The following NEBL variants were observed in gnomAD, a reference collection of about 807,000 sequenced individuals.
NEBL encodes the protein LIM and SH3 protein 2.
Under a neutral mutation model 140.2 loss-of-function variants are expected in NEBL, and 122 were observed. The ratio of observed to expected loss-of-function variants is 0.87; its 90% CI spans 0.75 to 1.01. The LOEUF is 1.01. NEBL is among the 50% of genes least tolerant of loss of function. The pLI is 0.00. For synonymous variants in NEBL, 436 were observed against 398.9 expected, an observed-to-expected ratio of 1.09 and a Z score of -1.11; for missense variants, 1,365 against 1,231.3, an observed-to-expected ratio of 1.11 and a Z score of -1.62.
chr10:21,061,401 T>C (rs1835295860), intron 2 of NEBL, among the ~76,000 whole-genome samples: 3 of 148,578 alleles, frequency 2.0e-5, no homozygotes, highest in Admixed American at 6.8e-5. Context: ...ATATATTACA[T>C]GGTACATGAT....
intron 25 of NEBL, 134 bp from the exon 26 acceptor site, chr10:20,808,793 G>A (rs1209461603): frequency 3.4e-5 from 32 of 943,598 alleles, no homozygotes; most frequent in Non-Finnish European, 4.9e-5. Flanking sequence ...CTCAGCGCTA[G>A]GCACCTATTC....
chr10:20,822,453 A>C (rs564363014), intron 19 of NEBL, among the ~76,000 whole-genome samples: 1 of 151,904 alleles, frequency 6.6e-6, no homozygotes, highest in South Asian at 2.1e-4. Context: ...GTATAGATAA[A>C]AGAAATAGAA....
At chr10:21,272,165 C>T (rs1380380029) in intron 1 of NEBL, among the ~76,000 whole-genome samples, 2 of 130,424 alleles carry the variant, frequency 1.5e-5, no homozygotes, top group Non-Finnish European at 3.2e-5. Context: ...CGGGGTTTCA[C>T]CATGTTAGCC....
rs189858042 is a variant in NEBL, at chr10:20,790,039, G to A, written c.2762-2731C>T. 3.2e-4 allele frequency among the ~76,000 whole-genome samples: 48 copies of A among 151,684 alleles called. No homozygotes were observed. The East Asian group carries it at 6.6e-3, about 21-fold the overall frequency. ...TATCTGACTTTGAAAGGGAACCTGT[G>A]CTACTGTTAAATATAGCAAGAAAAG... is the stretch of plus-strand genomic sequence containing the variant. On this transcript the variant is annotated intron_variant, in intron 26 of 27. Coordinates refer to ENST00000377122, the MANE Select transcript of NEBL (RefSeq NM_006393.3).
At chr10:21,226,689 A>T (rs1589337176) in intron 3 of NEBL, among the ~76,000 whole-genome samples, 1 of 151,614 alleles carries the variant, frequency 6.6e-6, no homozygotes, top group Non-Finnish European at 1.5e-5. Flanking sequence ...CAATCACTTT[A>T]CTCTCCCTCC....
chr10:20,888,439 GCTTT>G (rs1170833331), intron 3 of NEBL, among the ~76,000 whole-genome samples: 2 of 152,164 alleles, frequency 1.3e-5, no homozygotes, highest in Admixed American at 6.5e-5. Flanking sequence ...GGACATAATG[GCTTT>G]CTATTTAAAT....
chr10:21,110,528 A>G (rs1431509372), intron 2 of NEBL, among the ~76,000 whole-genome samples: 1 of 151,992 alleles, frequency 6.6e-6, no homozygotes, highest in Non-Finnish European at 1.5e-5. Flanking sequence ...TTTGTTCCCT[A>G]TCTTTTTTTC....
In NEBL at chr10:21,069,644, AT is replaced by A. The variant is rs201482759; in HGVS notation, c.165-49444del. ...GGAGCATTTAAAAATCTTTATGTAG[AT>A]TTTTCTCACAAACTGAGAAATGGTT... On this transcript the variant is annotated intron_variant, in intron 2 of 6. Coordinates refer to the NEBL transcript ENST00000417816. Among the ~76,000 whole-genome samples, 691 of 152,232 alleles carry A rather than the reference AT, an allele frequency of 4.5e-3. 5 individuals carry two copies. Among genetic ancestry groups the A allele is most frequent in the African/African-American group, 0.016 (655 of 41,528 alleles).
chr10:20,948,336 A>G (rs1237414545), intron 4 of NEBL, among the ~76,000 whole-genome samples: 7 of 152,236 alleles, frequency 4.6e-5, no homozygotes, highest in Admixed American at 4.6e-4. Context: ...TATGCTAGTC[A>G]GTTTACTCCA....
At chr10:20,906,183 A>G (rs972352980) in intron 4 of NEBL, among the ~76,000 whole-genome samples, 3 of 152,218 alleles carry the variant, frequency 2.0e-5, no homozygotes, top group African/African-American at 7.2e-5. Flanking sequence ...TATACATTTC[A>G]CACTTTTACA....
intron 2 of NEBL, among the ~76,000 whole-genome samples, chr10:21,047,700 T>C (rs1333624556): frequency 6.6e-6 from 1 of 152,176 alleles, no homozygotes; most frequent in Non-Finnish European, 1.5e-5. Flanking sequence ...ACAACTATTG[T>C]ATGAATCAGA....
chr10:21,167,106 G>A lies in NEBL; in HGVS notation c.164+5277C>T, dbSNP rs184439363. 3.9e-3 allele frequency among the ~76,000 whole-genome samples: 591 copies of A among 152,292 alleles called. 13 individuals carry two copies. Among genetic ancestry groups the A allele is most frequent in the Admixed American group, 0.034 (524 of 15,296 alleles). Reference sequence around the variant, plus strand: ...CTGTGCTGACCGTTCTGGGTGACTCGTCACGAGATGCACCCAGCCCAGCCT... The same window carrying A: ...CTGTGCTGACCGTTCTGGGTGACTCATCACGAGATGCACCCAGCCCAGCCT... On this transcript the variant is annotated intron_variant, in intron 2 of 6. Coordinates refer to the NEBL transcript ENST00000417816.
chr10:20,844,918 T>C (rs1158857365), intron 12 of NEBL, among the ~76,000 whole-genome samples: 1 of 152,054 alleles, frequency 6.6e-6, no homozygotes, highest in Non-Finnish European at 1.5e-5. Context: ...AATCAAGCTC[T>C]CTCCACCCAT....
At chr10:21,180,842 C>A (rs1262981481) in intron 3 of NEBL, among the ~76,000 whole-genome samples, 1 of 152,052 alleles carries the variant, frequency 6.6e-6, no homozygotes, top group Admixed American at 6.5e-5. Context: ...GAGGTCTTAT[C>A]ATCATAGGAG....
chr10:21,215,907 G>T (rs868238527), intron 3 of NEBL, among the ~76,000 whole-genome samples: 2 of 152,182 alleles, frequency 1.3e-5, no homozygotes, highest in African/African-American at 4.8e-5. Context: ...CTGGGCTCAA[G>T]TGATCTTCCT....
In NEBL at chr10:21,033,753, A is replaced by AG. The variant is rs113117610; in HGVS notation, c.165-13553_165-13552insC. Among the ~76,000 whole-genome samples, 867 of 147,046 alleles carry AG rather than the reference A, an allele frequency of 5.9e-3. 12 individuals are homozygous for AG. Among genetic ancestry groups the AG allele is most frequent in the African/African-American group, 0.014 (552 of 39,956 alleles). On this transcript the variant is annotated intron_variant, in intron 2 of 6. Coordinates refer to the NEBL transcript ENST00000417816. ...AGACTTTGTCTCCGAAAAAAAAAAAAAAAGAAAGAAAAGAAAAGAAAATTG... is the reference window on the plus strand; with the variant it reads ...AGACTTTGTCTCCGAAAAAAAAAAAAGAAAGAAAGAAAAGAAAAGAAAATTG...
At chr10:20,796,350 A>C (rs1836522888) in intron 26 of NEBL, among the ~76,000 whole-genome samples, 1 of 143,300 alleles carries the variant, frequency 7.0e-6, no homozygotes, top group Admixed American at 7.2e-5. Context: ...ACAAGAGTGA[A>C]ACTCAGTCTA....
At chr10:21,108,506 A>G (rs974573511) in intron 2 of NEBL, among the ~76,000 whole-genome samples, 2 of 152,132 alleles carry the variant, frequency 1.3e-5, no homozygotes, top group Non-Finnish European at 2.9e-5. Flanking sequence ...TTCCAATTTG[A>G]TTGCACTGTG....
At chr10:21,097,095 A>T (rs1299413621) in intron 2 of NEBL, among the ~76,000 whole-genome samples, 4 of 152,058 alleles carry the variant, frequency 2.6e-5, no homozygotes, top group Non-Finnish European at 5.9e-5. Flanking sequence ...CCACTCTCCT[A>T]ATACTTTATT....
Sources: allele counts gnomAD v4.1 joint callset (sites outside exome capture counted in the v4.1 genomes callset), GRCh38; gene constraint gnomAD v4.1.1; transcripts MANE v1.5; gene names NCBI Gene and HGNC (gene_info 2026-07-23, HGNC 2026-07-21).